Variants in C10orf105 observed in about 807,000 individuals in gnomAD.
C10orf105 encodes the protein uncharacterized protein C10orf105.
Under a neutral mutation model 0.6 loss-of-function variants are expected in C10orf105, and 2 were observed. The observed-to-expected ratio is 3.18, with a 90% CI of 1.30 to 10.01. The LOEUF (loss-of-function observed/expected upper bound fraction) is 10.01. C10orf105 is among the 30% of genes most tolerant of loss of function. C10orf105 has a pLI of 0.04. For synonymous variants in C10orf105, 95 were observed against 82.4 expected, an observed-to-expected ratio of 1.15 and a Z score of -0.83; for missense variants, 209 against 191.4, an observed-to-expected ratio of 1.09 and a Z score of -0.54.
intron 1 of C10orf105, among the ~76,000 whole-genome samples, chr10:71,737,154 G>A (rs1775594265): frequency 1.3e-5 from 2 of 152,142 alleles, no homozygotes; most frequent in African/African-American, 4.8e-5. Context: ...GGCGGACTGG[G>A]GCTCAGGGAC....
intron 1 of C10orf105, among the ~76,000 whole-genome samples, chr10:71,727,687 C>T (rs1264797592): frequency 6.6e-6 from 1 of 152,104 alleles, no homozygotes; most frequent in Non-Finnish European, 1.5e-5. Flanking sequence ...GCACATATGC[C>T]CACGCACACC....
At chr10:71,729,660 A>C (rs915960873) in intron 1 of C10orf105, among the ~76,000 whole-genome samples, 3 of 152,170 alleles carry the variant, frequency 2.0e-5, no homozygotes, top group African/African-American at 4.8e-5. Context: ...AAGAGTACTG[A>C]GCACTGACAT....
intron 1 of C10orf105, among the ~76,000 whole-genome samples, chr10:71,734,974 A>G (rs1335792166): frequency 1.3e-5 from 2 of 152,246 alleles, no homozygotes; most frequent in Non-Finnish European, 2.9e-5. Context: ...GCTGTGTGAC[A>G]CAGGCAAGCT....
rs376885908 is a variant in C10orf105 at position 71,713,139 on chromosome 10, G to A, written c.*2797C>T. ...GGAGAAAGAGACGTCACAATTTCCC[G>A]GAAAGGAGTTGAGAAGAGAGCCAGG... On this transcript the variant is annotated 3_prime_UTR_variant, in exon 2 of 2. Coordinates refer to ENST00000441508, the MANE Select transcript of C10orf105 (RefSeq NM_001164375.3). The A allele has an allele frequency of 1.4e-4, 106 of 778,490 alleles. 1 individual carries two copies. The highest frequency in any genetic ancestry group is 2.1e-4 in the Non-Finnish European group (88 of 417,472). The allele number at this position is 778,490 out of a possible 1,614,324, so 48.2% of individuals were successfully genotyped here. A position where few individuals can be genotyped will look rare whatever the true frequency, so the allele number is the denominator to read the frequency against.
intron 1 of C10orf105, among the ~76,000 whole-genome samples, chr10:71,725,914 G>A (rs1381791837): frequency 6.6e-6 from 1 of 151,226 alleles, no homozygotes; most frequent in African/African-American, 2.4e-5. Context: ...AGTTGCTAGT[G>A]ATAGAATCAG....
intron 1 of C10orf105, among the ~76,000 whole-genome samples, chr10:71,736,762 C>A (rs980697346): frequency 6.6e-6 from 1 of 152,156 alleles, no homozygotes; most frequent in Non-Finnish European, 1.5e-5. Flanking sequence ...CAGCAAGAAA[C>A]CAAAATTAGA....
At chr10:71,720,045 C>T (rs1227130277), upstream of C10orf105, among the ~76,000 whole-genome samples, 4 of 152,238 alleles carry the variant, frequency 2.6e-5, no homozygotes, top group Non-Finnish European at 5.9e-5. Context: ...CGCTCACCTT[C>T]CCCTGTCGGA....
upstream of C10orf105, chr10:71,724,033 A>G (rs779303743): frequency 1.4e-5 from 21 of 1,555,348 alleles, no homozygotes; most frequent in African/African-American, 2.7e-4. Context: ...CTCGTGTCTC[A>G]TTCTTCCTCA....
At chr10:71,734,829 C>G (rs964162808) in intron 1 of C10orf105, among the ~76,000 whole-genome samples, 3 of 152,238 alleles carry the variant, frequency 2.0e-5, no homozygotes, top group African/African-American at 7.2e-5. Context: ...TCAGGCCCCT[C>G]TGGGGCATGT....
upstream of C10orf105, among the ~76,000 whole-genome samples, chr10:71,723,096 C>T (rs927311104): frequency 6.6e-6 from 1 of 152,144 alleles, no homozygotes; most frequent in Non-Finnish European, 1.5e-5. Flanking sequence ...CACCACAGGG[C>T]TGAAGTGAGA....
chr10:71,721,203 C>A (rs1262417860), upstream of C10orf105, among the ~76,000 whole-genome samples: 2 of 152,210 alleles, frequency 1.3e-5, no homozygotes, highest in African/African-American at 4.8e-5. Context: ...TCTTCACCAT[C>A]CTGAGCCCTT....
intron 1 of C10orf105, among the ~76,000 whole-genome samples, chr10:71,727,347 C>T (rs145878021): frequency 6.6e-6 from 1 of 152,342 alleles, no homozygotes; most frequent in Non-Finnish European, 1.5e-5. Context: ...AAACCACTGC[C>T]TCATCCCCAC....
chr10:71,720,879 G>C (rs1035038995), upstream of C10orf105, among the ~76,000 whole-genome samples: 1 of 152,184 alleles, frequency 6.6e-6, no homozygotes, highest in African/African-American at 2.4e-5. Flanking sequence ...GGGGGACTTG[G>C]TGTTTCCCCT....
rs376258800 is a variant in C10orf105 at position 71,713,082 on chromosome 10, G to A, written c.*2854C>T. The A allele has an allele frequency of 6.1e-4, 460 of 754,806 alleles. 3 individuals are homozygous for A. The African/African-American group carries it at 6.3e-3, about 10-fold the overall frequency. 46.8% of individuals were successfully genotyped at this position (754,806 alleles called of 1,614,324 possible). Reference sequence around the variant, plus strand: ...CTTGGCCTCCCCCTGCATATCTCCCGCCCCACCCAGAAGGGCCTTTCAGAG... The same window carrying A: ...CTTGGCCTCCCCCTGCATATCTCCCACCCCACCCAGAAGGGCCTTTCAGAG... On this transcript the variant is annotated 3_prime_UTR_variant, in exon 2 of 2. Transcript: ENST00000441508.
intron 1 of C10orf105, among the ~76,000 whole-genome samples, chr10:71,735,472 G>T (rs997031373): frequency 6.6e-6 from 1 of 152,092 alleles, no homozygotes; most frequent in African/African-American, 2.4e-5. Context: ...ACCTGAGAGA[G>T]GTCCATGGGA....
chr10:71,718,953 C>T lies in C10orf105; in HGVS notation c.-6+674G>A, dbSNP rs374049787. ...ATTAGCCAGGTGTGGTAGTATGTGCCTGTGGCCCCAGCTACTCAGGAGGCT... is the reference window on the plus strand; with the variant it reads ...ATTAGCCAGGTGTGGTAGTATGTGCTTGTGGCCCCAGCTACTCAGGAGGCT... On this transcript the variant is annotated intron_variant, in intron 1 of 1. Transcript: ENST00000441508. Among the ~76,000 whole-genome samples the T allele has an allele frequency of 2.0e-5, 3 of 152,080 alleles. No homozygotes were observed. The East Asian group carries it at 5.8e-4, about 29-fold the overall frequency.
intron 1 of C10orf105, chr10:71,725,342 G>A (rs1165940061): frequency 1.2e-6 from 2 of 1,613,902 alleles, no homozygotes; most frequent in Non-Finnish European, 8.5e-7. Context: ...GGCAGGGCCG[G>A]TGTTCCAGGG....
intron 1 of C10orf105, chr10:71,737,718 C>T (rs1172904255): frequency 2.1e-6 from 1 of 470,912 alleles, no homozygotes; most frequent in Non-Finnish European, 4.4e-6. Context: ...ATCAGTGAAC[C>T]CCTGGGTACC....
chr10:71,722,346 T>A (rs1041785766), upstream of C10orf105, among the ~76,000 whole-genome samples: 1 of 152,066 alleles, frequency 6.6e-6, no homozygotes, highest in African/African-American at 2.4e-5. Flanking sequence ...CCCTACAGGA[T>A]CAAAGGAAAA....
Sources: gnomAD v4.1 joint callset for allele counts (sites outside exome capture counted in the v4.1 genomes callset) on GRCh38, gnomAD v4.1.1 for gene constraint, MANE v1.5 for transcripts, NCBI Gene and HGNC (gene_info 2026-07-23, HGNC 2026-07-21) for gene names.